The following GALNT13 variants were observed in gnomAD, a reference collection of about 807,000 sequenced individuals.
GALNT13 encodes the protein UDP-GalNAc:polypeptide N-acetylgalactosaminyltransferase 13.
Under a neutral mutation model 64.2 loss-of-function variants are expected in GALNT13, and 28 were observed. The observed-to-expected ratio is 0.44, with a 90% confidence interval of 0.32 to 0.60. The LOEUF (loss-of-function observed/expected upper bound fraction) is 0.60, where lower values mean the gene tolerates loss of function less well. GALNT13 is among the 20% of genes least tolerant of loss of function. GALNT13 has a pLI of 0.05. For synonymous variants in GALNT13, 214 were observed against 224.6 expected, an observed-to-expected ratio of 0.95 and a Z score of 0.42; for missense variants, 577 against 669.8, an observed-to-expected ratio of 0.86 and a Z score of 1.53.
the GALNT13 span, among the ~76,000 whole-genome samples, chr2:153,092,544 G>C: frequency 6.6e-6 from 1 of 152,110 alleles, no homozygotes; most frequent in East Asian, 1.9e-4. Context: ...TTTTATTATA[G>C]AGATATTTTA....
chr2:153,589,549 A>T, the GALNT13 span, among the ~76,000 whole-genome samples: 1 of 152,144 alleles, frequency 6.6e-6, no homozygotes, highest in Non-Finnish European at 1.5e-5. Context: ...GTCTGTTCTC[A>T]TGCTGCTGAT....
rs566979951 is a variant in GALNT13, at chr2:154,103,974, A to T, written c.143-36363A>T. On this transcript the variant is annotated intron_variant, in intron 3 of 12. Coordinates refer to ENST00000392825, the MANE Select transcript of GALNT13 (RefSeq NM_052917.4). ...TAGGCAATAAAGATTGGGTAAACCA[A>T]TGATGAGTGAAAGCACCCTCCCTGA... Among the ~76,000 whole-genome samples, 62 of 152,232 alleles carry T rather than the reference A, an allele frequency of 4.1e-4. 2 individuals are homozygous for T. In the East Asian group the frequency reaches 0.011, roughly 27 times the overall value.
At chr2:154,425,657 A>G (rs576152020) in intron 11 of GALNT13, among the ~76,000 whole-genome samples, 195 of 152,348 alleles carry the variant, frequency 1.3e-3, no homozygotes, top group Non-Finnish European at 1.8e-3. Context: ...ATAAGTTGCC[A>G]GAAGACCATT....
At chr2:153,643,541 T>A in the GALNT13 span, among the ~76,000 whole-genome samples, 1 of 151,580 alleles carries the variant, frequency 6.6e-6, no homozygotes, top group African/African-American at 2.4e-5. Flanking sequence ...TCTACCAAAT[T>A]CTCAAAAAAT....
intron 10 of GALNT13, among the ~76,000 whole-genome samples, chr2:154,403,073 G>C (rs1266895408): frequency 6.6e-6 from 1 of 152,066 alleles, no homozygotes; most frequent in Non-Finnish European, 1.5e-5. Context: ...TCGCTCACTC[G>C]GGAACAATTT....
chr2:153,458,793 GTCT>G, the GALNT13 span, among the ~76,000 whole-genome samples: 1 of 152,066 alleles, frequency 6.6e-6, no homozygotes, highest in Non-Finnish European at 1.5e-5. Context: ...ATCAAAAATG[GTCT>G]TCTTTTCATT....
chr2:153,440,974 G>A, the GALNT13 span, among the ~76,000 whole-genome samples: 1 of 151,970 alleles, frequency 6.6e-6, no homozygotes, highest in African/African-American at 2.4e-5. Flanking sequence ...TGTCAATATT[G>A]GCTTTTGTTG....
At chr2:153,130,597 G>A in the GALNT13 span, among the ~76,000 whole-genome samples, 1 of 152,052 alleles carries the variant, frequency 6.6e-6, no homozygotes, top group African/African-American at 2.4e-5. Flanking sequence ...CAGACACACA[G>A]GCCACCTGGC....
chr2:153,801,504 C>CAGCT, the GALNT13 span, among the ~76,000 whole-genome samples: 8 of 152,156 alleles, frequency 5.3e-5, no homozygotes, highest in African/African-American at 1.7e-4. Flanking sequence ...GATGAATGAA[C>CAGCT]AGCTGGTAGG....
At chr2:153,441,244 A>C in the GALNT13 span, among the ~76,000 whole-genome samples, 1 of 152,062 alleles carries the variant, frequency 6.6e-6, no homozygotes, top group Admixed American at 6.6e-5. Flanking sequence ...GTTTGTCAAA[A>C]AACAGATGGT....
chr2:153,425,321 A>T, the GALNT13 span, among the ~76,000 whole-genome samples: 2 of 151,682 alleles, frequency 1.3e-5, no homozygotes, highest in African/African-American at 4.8e-5. Flanking sequence ...GCAATATTTT[A>T]TTATTAAAAA....
chr2:154,145,168 A>G (rs1485387683), intron 4 of GALNT13, among the ~76,000 whole-genome samples: 1 of 148,336 alleles, frequency 6.7e-6, no homozygotes, highest in African/African-American at 2.5e-5. Flanking sequence ...TTTTATTTAT[A>G]TGTATAAATA....
intron 2 of GALNT13, among the ~76,000 whole-genome samples, chr2:153,917,898 C>CTGGCTCTATCTG (rs1553455005): frequency 2.0e-5 from 3 of 151,786 alleles, no homozygotes; most frequent in Admixed American, 2.0e-4. Context: ...AGGCAGTTAT[C>CTGGCTCTATCTG]TGTTAATCAT....
the GALNT13 span, among the ~76,000 whole-genome samples, chr2:153,288,468 C>T: frequency 6.6e-6 from 1 of 152,226 alleles, no homozygotes; most frequent in South Asian, 2.1e-4. Context: ...TCTGAGTAGC[C>T]TGATGAAATC....
chr2:153,953,667 C>T (rs748935093), intron 3 of GALNT13, among the ~76,000 whole-genome samples: 5 of 152,158 alleles, frequency 3.3e-5, no homozygotes, highest in Non-Finnish European at 5.9e-5. Flanking sequence ...TCTTTACTCT[C>T]AGAGACATTC....
chr2:153,168,706 C>T, the GALNT13 span, among the ~76,000 whole-genome samples: 2 of 152,168 alleles, frequency 1.3e-5, no homozygotes, highest in Non-Finnish European at 2.9e-5. Context: ...ATACCTATCT[C>T]CCATGATTTT....
At chr2:153,833,858 A>G in the GALNT13 span, among the ~76,000 whole-genome samples, 52 of 152,178 alleles carry the variant, frequency 3.4e-4, no homozygotes, top group Non-Finnish European at 6.3e-4. Flanking sequence ...ACGTCTCAAA[A>G]TATGGTGGTA....
the GALNT13 span, among the ~76,000 whole-genome samples, chr2:153,406,137 CA>C: frequency 2.0e-5 from 3 of 152,162 alleles, no homozygotes; most frequent in East Asian, 3.9e-4. Context: ...CAGAGGAACA[CA>C]AAAAAATTTT....
intron 3 of GALNT13, among the ~76,000 whole-genome samples, chr2:154,037,031 T>A (rs1286211111): frequency 6.6e-6 from 1 of 152,166 alleles, no homozygotes; most frequent in Non-Finnish European, 1.5e-5. Flanking sequence ...GAAACAACCA[T>A]TTTCTTAACC....
Sources: allele counts gnomAD v4.1 joint callset (sites outside exome capture counted in the v4.1 genomes callset), GRCh38; gene constraint gnomAD v4.1.1; transcripts MANE v1.5; gene names NCBI Gene and HGNC (gene_info 2026-07-23, HGNC 2026-07-21).